ESPNL: variants seen among roughly 807,000 people sequenced by gnomAD.
ESPNL encodes espin-like protein.
Under a neutral mutation model 46.8 loss-of-function variants are expected in ESPNL, and 49 were observed. The ratio of observed to expected loss-of-function variants is 1.05; its 90% CI spans 0.83 to 1.33. The LOEUF (loss-of-function observed/expected upper bound fraction) is 1.33. Among genes scored for constraint, ESPNL ranks in the 40% most tolerant of loss-of-function variants. The probability of loss-of-function intolerance (pLI) is 0.00; values close to 1 mark genes in which losing one functional copy is unlikely to be tolerated. For synonymous variants in ESPNL, 664 were observed against 662.1 expected, an observed-to-expected ratio of 1.00 and a Z score of -0.04; for missense variants, 1,540 against 1,436.6, an observed-to-expected ratio of 1.07 and a Z score of -1.16.
rs1296434961 is a variant in ESPNL, at chr2:238,125,308, C to G, written c.1026C>G (p.Pro342=). Residue 342 remains proline (P), a synonymous_variant, in exon 6 of 9, where the codon CCC becomes CCG. Transcript: ENST00000343063. ...LLMTPPPPPF[P]PPPLLATRRS... ...TGACGCCCCCACCACCACCGTTCCC[C>G]CCACCTCCACTGTTGGCCACGAGGC... The G allele has an allele frequency of 1.3e-6, 2 of 1,564,896 alleles. No individual in the cohort carries two copies. Among genetic ancestry groups the G allele is most frequent in the South Asian group, 2.4e-5 (2 of 83,966 alleles).
chr2:238,123,653 C>T (rs566722257), intron 5 of ESPNL, among the ~76,000 whole-genome samples: 2 of 152,338 alleles, frequency 1.3e-5, no homozygotes, highest in East Asian at 3.9e-4. Context: ...ACACCTCCCA[C>T]TCCTGGGGGC....
At chr2:238,118,308 A>ATG (rs1691864697) in intron 5 of ESPNL, among the ~76,000 whole-genome samples, 1 of 88,622 alleles carries the variant, frequency 1.1e-5, no homozygotes, top group South Asian at 4.4e-4. Flanking sequence ...GGAGGAGGGT[A>ATG]GATGGAGGAG....
At chr2:238,128,497 C>T (rs879576233) in intron 7 of ESPNL, among the ~76,000 whole-genome samples, 1 of 152,188 alleles carries the variant, frequency 6.6e-6, no homozygotes, top group Non-Finnish European at 1.5e-5. Flanking sequence ...CATCTTACCC[C>T]GCCCCCTCCA....
At position 238,102,148 on chromosome 2, in the gene ESPNL, C is replaced by A; in HGVS notation, c.485+17C>A. ...GCATGGCAGGTAAGGAGCCCAAAGT[C>A]CCGCCTGGGGGGGCAGCCTGGGGCG... On this transcript the variant is annotated intron_variant, in intron 2 of 8. Transcript: ENST00000343063. 1 of 1,516,874 alleles carries A rather than the reference C, an allele frequency of 6.6e-7. No individual in the cohort carries two copies. The highest frequency in any genetic ancestry group is 8.9e-7 in the Non-Finnish European group (1 of 1,128,952). 94.0% of individuals were successfully genotyped at this position (1,516,874 alleles called of 1,614,324 possible).
At chr2:238,118,432 A>AGAG in intron 5 of ESPNL, among the ~76,000 whole-genome samples, 3 of 80,980 alleles carry the variant, frequency 3.7e-5, no homozygotes, top group Admixed American at 1.1e-4. Flanking sequence ...ATGGAGGAGG[A>AGAG]ATGGATGGAA....
At position 238,131,423 on chromosome 2, in the gene ESPNL, C is replaced by T. The variant is rs545906838; in HGVS notation, c.2709C>T (p.Ala903=). ...GWEAVRAFHK[A]VTDEVAAGRR... The stretch of plus-strand genomic sequence containing the variant: ...AGGCTGTGCGCGCCTTCCACAAGGC[C>T]GTGACCGACGAGGTGGCCGCCGGCC... The change falls in exon 9 of 9, where the codon GCC becomes GCT. Residue 903 remains alanine (A), a synonymous_variant. Coordinates refer to ENST00000343063, the MANE Select transcript of ESPNL (RefSeq NM_194312.4). 16 of 1,608,474 alleles carry T rather than the reference C, an allele frequency of 9.9e-6. 1 individual carries two copies. Among genetic ancestry groups the T allele is most frequent in the Middle Eastern group, 3.3e-4 (2 of 6,072 alleles).
At chr2:238,129,492 A>C (rs895209558) in intron 8 of ESPNL, among the ~76,000 whole-genome samples, 19 of 152,098 alleles carry the variant, frequency 1.2e-4, no homozygotes, top group Non-Finnish European at 8.8e-5. Context: ...TGGGCGCCTG[A>C]GGTTGGAGAG....
intron 5 of ESPNL, among the ~76,000 whole-genome samples, chr2:238,124,555 G>T (rs1252011804): frequency 6.6e-6 from 1 of 151,906 alleles, no homozygotes; most frequent in African/African-American, 2.4e-5. Flanking sequence ...GAGTGTACGT[G>T]CGTGTGTGCA....
intron 8 of ESPNL, 165 bp downstream of exon 8, chr2:238,129,069 G>A: frequency 2.1e-6 from 3 of 1,429,788 alleles, no homozygotes; most frequent in Non-Finnish European, 2.7e-6. Flanking sequence ...AAGTGAACCT[G>A]ACCAGAGGAC....
At chr2:238,122,353 G>A (rs138012124) in intron 5 of ESPNL, among the ~76,000 whole-genome samples, 15 of 152,328 alleles carry the variant, frequency 9.8e-5, no homozygotes, top group African/African-American at 2.2e-4. Flanking sequence ...TGGCAGCAGC[G>A]TCAAGGTCTG....
intron 5 of ESPNL, 40 bp from the exon 6 acceptor site, chr2:238,125,230 C>A: frequency 1.0e-6 from 1 of 1,001,602 alleles, no homozygotes; most frequent in South Asian, 1.7e-5. Flanking sequence ...AGGGAAGAGC[C>A]CACGGGGGTC....
At position 238,131,721 on chromosome 2, in the gene ESPNL, T is replaced by C; in HGVS notation, c.3007T>C (p.Phe1003Leu). The stretch of plus-strand genomic sequence containing the variant: ...GGAGAAGGAAGCTGAGATGTTCAAC[T>C]TTGGAGAATGACCCTACTGGCAGCC... ...WKEKEAEMFN[F>L]GE Residue 1003 changes from phenylalanine to leucine, a missense_variant, in exon 9 of 9, where the codon TTT becomes CTT. Transcript: ENST00000343063. 1.3e-6 allele frequency: 2 copies of C among 1,582,172 alleles called. No individual in the cohort carries two copies. Among genetic ancestry groups the C allele is most frequent in the South Asian group, 2.2e-5 (2 of 88,942 alleles).
chr2:238,102,987 C>G (rs1007820821), intron 2 of ESPNL, among the ~76,000 whole-genome samples: 2 of 152,222 alleles, frequency 1.3e-5, no homozygotes, highest in African/African-American at 2.4e-5. Context: ...CCCGGGTGTT[C>G]CCATCCTGGA....
chr2:238,113,657 C>G (rs1691756988), intron 4 of ESPNL, among the ~76,000 whole-genome samples: 1 of 152,194 alleles, frequency 6.6e-6, no homozygotes, highest in African/African-American at 2.4e-5. Context: ...TCTTAATCCG[C>G]ATTCCAGGCA....
chr2:238,119,873 TC>T (rs1285710119), intron 5 of ESPNL, among the ~76,000 whole-genome samples: 9 of 151,282 alleles, frequency 5.9e-5, no homozygotes, highest in African/African-American at 1.5e-4. Context: ...AGAGCCACAG[TC>T]CCCCCCACCC....
intron 5 of ESPNL, among the ~76,000 whole-genome samples, chr2:238,118,727 A>T (rs1445192048): frequency 9.5e-6 from 1 of 104,962 alleles, no homozygotes; most frequent in Non-Finnish European, 1.9e-5. Flanking sequence ...GGAGGAATGG[A>T]TGGAGGAGGG....
In ESPNL at chr2:238,131,858, A is replaced by T. The variant is rs751371505; in HGVS notation, c.*126A>T. 5 of 1,047,870 alleles carry T rather than the reference A, an allele frequency of 4.8e-6. No homozygotes were observed. The highest frequency in any genetic ancestry group is 7.0e-6 in the Non-Finnish European group (5 of 713,300). 64.9% of individuals were successfully genotyped at this position (1,047,870 alleles called of 1,614,324 possible). The stretch of plus-strand genomic sequence containing the variant: ...AAGGCTGCCTCCAGTCCTACCAGTT[A>T]TCGGAGGCTGCGGGACTGTTCTGTT... On this transcript the variant is annotated 3_prime_UTR_variant, in exon 9 of 9. Transcript: ENST00000343063.
intron 2 of ESPNL, among the ~76,000 whole-genome samples, chr2:238,104,030 C>A (rs1334760875): frequency 6.6e-6 from 1 of 152,154 alleles, no homozygotes; most frequent in Non-Finnish European, 1.5e-5. Flanking sequence ...CTGAGTTGCT[C>A]AGATTCGTCT....
chr2:238,114,888 G>A lies in ESPNL; in HGVS notation c.856-2015G>A, dbSNP rs1464450958. ...AGGGTTGCATATTTGTGCCAGAGCC[G>A]GCGGCCCCCGGGCTGAGCTGCTTAC... On this transcript the variant is annotated intron_variant, in intron 4 of 8. Transcript: ENST00000343063. This position sits in a 1 kb window ranked among gnomAD's most constrained non-coding sequence, Gnocchi z 5.0. 6.6e-6 allele frequency among the ~76,000 whole-genome samples: 1 copy of A among 152,186 alleles called. No individual in the cohort carries two copies. Among genetic ancestry groups the A allele is most frequent in the African/African-American group, 2.4e-5 (1 of 41,444 alleles).
Sources: allele counts gnomAD v4.1 joint callset (sites outside exome capture counted in the v4.1 genomes callset), GRCh38; gene constraint gnomAD v4.1.1; non-coding constraint Gnocchi (gnomAD v3.1); transcripts MANE v1.5; gene names NCBI Gene and HGNC (gene_info 2026-07-23, HGNC 2026-07-21).